The following TMEM272 variants were observed in gnomAD, a reference collection of about 807,000 sequenced individuals.
TMEM272 encodes transmembrane protein 272, also known as long intergenic non-protein coding RNA 282.
TMEM272 carries 8 observed loss-of-function variants against 3.7 expected under a neutral mutation model. That is an observed-to-expected ratio of 2.17 (90% confidence interval 1.27 to 3.91). The LOEUF (loss-of-function observed/expected upper bound fraction) is 3.91, where lower values mean the gene tolerates loss of function less well. TMEM272 is among the 30% of genes most tolerant of loss of function. The pLI is 0.00. For missense variants in TMEM272, 166 were observed against 91.5 expected, an observed-to-expected ratio of 1.81 and a Z score of -3.32; for synonymous variants, 63 against 39.8, an observed-to-expected ratio of 1.58 and a Z score of -2.20.
At chr13:51,905,258 G>A in the TMEM272 span, among the ~76,000 whole-genome samples, 2 of 152,138 alleles carry the variant, frequency 1.3e-5, no homozygotes, top group Non-Finnish European at 2.9e-5. Context: ...GACACTGGAC[G>A]AGGGCCCAGA....
chr13:51,865,393 A>G, the TMEM272 span: 1 of 1,598,048 alleles, frequency 6.3e-7, no homozygotes, highest in Non-Finnish European at 8.5e-7. Context: ...CCACCCCGCC[A>G]TTCCGGCTGA....
chr13:51,877,382 C>T, the TMEM272 span, among the ~76,000 whole-genome samples: 3 of 152,182 alleles, frequency 2.0e-5, no homozygotes, highest in South Asian at 2.1e-4. Context: ...GCTCCTTGCA[C>T]AGAGCCTGGC....
chr13:51,825,635 GTTT>G (rs11295479), intron 3 of TMEM272, among the ~76,000 whole-genome samples: 24 of 129,904 alleles, frequency 1.8e-4, no homozygotes, highest in African/African-American at 4.3e-4. Context: ...TTGTTTTTGT[GTTT>G]TTTTTTTTTT....
chr13:51,912,464 A>G, the TMEM272 span, among the ~76,000 whole-genome samples: 1 of 152,200 alleles, frequency 6.6e-6, no homozygotes, highest in Non-Finnish European at 1.5e-5. Context: ...CTGATCTCTT[A>G]CTAAAAGCTG....
At position 51,826,591 on chromosome 13, in the gene TMEM272, A is replaced by G. The variant is rs1305944596; in HGVS notation, c.93T>C (p.Ala31=). 3 of 702,498 alleles carry G rather than the reference A, an allele frequency of 4.3e-6. No individual in the cohort carries two copies. The highest frequency in any genetic ancestry group is 7.8e-6 in the Non-Finnish European group (3 of 385,012). The allele number at this position is 702,498 out of a possible 1,614,324, so 43.5% of individuals were successfully genotyped here. The part of the protein sequence containing the change: ...CFVVVLCAFL[A]LPLSMTFIGM... ...CTATGAAGGTCATGGACAGCGGCAG[A>G]GCCAGGAAAGCACAGAGCACAACAA... Residue 31 remains alanine (A), a synonymous_variant, in exon 3 of 5, where the codon GCT becomes GCC. Coordinates refer to ENST00000629372, the MANE Select transcript of TMEM272 (RefSeq NM_001351003.2).
the TMEM272 span, among the ~76,000 whole-genome samples, chr13:51,899,973 A>AT: frequency 6.6e-6 from 1 of 152,222 alleles, no homozygotes; most frequent in Non-Finnish European, 1.5e-5. Flanking sequence ...TTGGACTCCT[A>AT]TTACAAACCA....
At chr13:51,845,259 C>T (rs1257326372), upstream of TMEM272, 6 of 152,404 alleles carry the variant, frequency 3.9e-5, no homozygotes, top group Admixed American at 3.9e-4. Flanking sequence ...GCTCATACCC[C>T]TGCAGTGTTC....
At chr13:51,854,741 C>T in the TMEM272 span, among the ~76,000 whole-genome samples, 1 of 152,074 alleles carries the variant, frequency 6.6e-6, no homozygotes, top group African/African-American at 2.4e-5. Flanking sequence ...ATTAAATGGG[C>T]TATATATGCA....
the TMEM272 span, among the ~76,000 whole-genome samples, chr13:51,896,754 C>T: frequency 1.3e-5 from 2 of 152,136 alleles, no homozygotes; most frequent in Admixed American, 6.6e-5. Context: ...CCAGTTTGGT[C>T]GGCTTGGGGG....
chr13:51,885,452 A>G, the TMEM272 span, among the ~76,000 whole-genome samples: 1 of 152,312 alleles, frequency 6.6e-6, no homozygotes, highest in East Asian at 1.9e-4. Flanking sequence ...AAAAGCCACC[A>G]GATCTTGTGA....
rs1956008598 is a variant in TMEM272, at chr13:51,815,261, A to C, written c.*1490T>G. ...GAAAACAGAAACTGCCCTTAGGGAC[A>C]GGGGCAAAAAAAGGGCTGTTCTTCC... On this transcript the variant is annotated 3_prime_UTR_variant, in exon 5 of 5. Transcript: ENST00000629372. 1.3e-5 allele frequency: 2 copies of C among 152,716 alleles called. 1 individual carries two copies. Among genetic ancestry groups the C allele is most frequent in the South Asian group, 4.1e-4 (2 of 4,830 alleles). The allele number at this position is 152,716 out of a possible 1,614,324, so 9.5% of individuals were successfully genotyped here. A position where few individuals can be genotyped will look rare whatever the true frequency, so the allele number is the denominator to read the frequency against.
upstream of TMEM272, among the ~76,000 whole-genome samples, chr13:51,846,504 C>T (rs1956306739): frequency 1.6e-5 from 2 of 126,988 alleles, no homozygotes; most frequent in South Asian, 5.6e-4. Flanking sequence ...TAAAAAACAA[C>T]GAAGTCACTG....
the TMEM272 span, among the ~76,000 whole-genome samples, chr13:51,880,692 A>AT: frequency 6.6e-6 from 1 of 152,148 alleles, no homozygotes; most frequent in Non-Finnish European, 1.5e-5. Context: ...CTTCAAGACT[A>AT]TTTTTTTCCA....
chr13:51,864,762 C>T, the TMEM272 span, among the ~76,000 whole-genome samples: 1 of 152,184 alleles, frequency 6.6e-6, no homozygotes, highest in South Asian at 2.1e-4. Context: ...TTCCATATTA[C>T]TAAATATTGT....
the TMEM272 span, among the ~76,000 whole-genome samples, chr13:51,857,408 T>C: frequency 6.6e-6 from 1 of 152,022 alleles, no homozygotes; most frequent in Non-Finnish European, 1.5e-5. Flanking sequence ...GGTAAAAATA[T>C]GGGTAATTAC....
intron 2 of TMEM272, among the ~76,000 whole-genome samples, chr13:51,831,915 CTGGGT>C (rs1441562908): frequency 1.3e-5 from 2 of 152,200 alleles, no homozygotes; most frequent in Non-Finnish European, 2.9e-5. Context: ...TTTGAAAGAG[CTGGGT>C]GAAAATAAAC....
At chr13:51,881,034 T>C in the TMEM272 span, among the ~76,000 whole-genome samples, 50,384 of 152,118 alleles carry the variant, frequency 0.33, 8,490 homozygotes, top group East Asian at 0.45. Context: ...ACTGAAAAGT[T>C]AGGTGAACTG....
intron 1 of TMEM272, among the ~76,000 whole-genome samples, chr13:51,844,257 T>TATATGTGTGTATGTGTA (rs1566357940): frequency 6.6e-5 from 10 of 152,082 alleles, no homozygotes; most frequent in Non-Finnish European, 1.3e-4. Context: ...TATATATATA[T>TATATGTGTGTATGTGTA]GATTGTGTTT....
intron 2 of TMEM272, among the ~76,000 whole-genome samples, chr13:51,836,759 T>A (rs1566350714): frequency 6.6e-6 from 1 of 152,034 alleles, no homozygotes; most frequent in African/African-American, 2.4e-5. Flanking sequence ...AGGGGGCAGG[T>A]GGGAGGAAGT....
Sources: allele counts gnomAD v4.1 joint callset (sites outside exome capture counted in the v4.1 genomes callset), GRCh38; gene constraint gnomAD v4.1.1; transcripts MANE v1.5; gene names NCBI Gene and HGNC (gene_info 2026-07-23, HGNC 2026-07-21).